Variants in SBF2 observed in about 807,000 individuals in gnomAD.
The protein encoded by SBF2 is myotubularin-related protein 13.
SBF2 carries 112 observed loss-of-function variants against 225.2 expected under a neutral mutation model. The ratio of observed to expected loss-of-function variants is 0.50; its 90% confidence interval spans 0.43 to 0.58. SBF2 has a LOEUF of 0.58. Ranked by LOEUF, SBF2 falls within the 20% of genes least tolerant of loss-of-function variation. The probability of loss-of-function intolerance (pLI) is 0.00; values close to 1 mark genes in which losing one functional copy is unlikely to be tolerated. For synonymous variants in SBF2, 763 were observed against 773.3 expected (o/e 0.99, Z 0.22); for missense variants, 1,996 against 2,206.2 (o/e 0.90, Z 1.91).
At chr11:10,019,809 C>T (rs1948781371) in intron 6 of SBF2, among the ~76,000 whole-genome samples, 1 of 152,094 alleles carries the variant, frequency 6.6e-6, no homozygotes, top group African/African-American at 2.4e-5. Flanking sequence ...GGATAAAAAT[C>T]ATCCTACAAT....
At chr11:10,155,357 G>T (rs1172189727) in intron 2 of SBF2, among the ~76,000 whole-genome samples, 1 of 151,944 alleles carries the variant, frequency 6.6e-6, no homozygotes, top group African/African-American at 2.4e-5. Context: ...TAACACTGTT[G>T]CCATGCTCTG....
chr11:10,162,537 G>T (rs934087872), intron 2 of SBF2, among the ~76,000 whole-genome samples: 4 of 152,144 alleles, frequency 2.6e-5, no homozygotes, highest in Non-Finnish European at 4.4e-5. Context: ...ATATCAGAAT[G>T]CAGATAAGTG....
chr11:10,025,062 C>T lies in SBF2; in HGVS notation c.619+3390G>A, dbSNP rs977161339. Among the ~76,000 whole-genome samples, 11 of 152,166 alleles carry T rather than the reference C, an allele frequency of 7.2e-5. No individual in the cohort carries two copies. In the Middle Eastern group the frequency reaches 0.014, roughly 188 times the overall value. On this transcript the variant is annotated intron_variant, in intron 6 of 39. Coordinates refer to ENST00000256190, the MANE Select transcript of SBF2 (RefSeq NM_030962.4). ...AGCCCCTGTGGTTCTTTCATATTGT[C>T]TATGGTTTCTTTTGCATTTCTTTCA...
Position 9,787,734 on chromosome 11 carries a change from A to G in SBF2, c.4937T>C (p.Ile1646Thr), listed in dbSNP as rs775945548. ...GTTCAATTTGTGCTCCAATTTTTCA[A>G]TTTCCTGCAAAGAAATTAAAAGTTT... ...PDALTSLFSE[I>T]EKLEHKLNQA... The change falls in exon 36 of 40, where the codon ATT (isoleucine) becomes ACT (threonine). Residue 1646 changes from isoleucine to threonine, a missense_variant. By Grantham distance (89) the Ile-to-Thr change is moderately conservative. Coordinates refer to ENST00000256190, the MANE Select transcript of SBF2 (RefSeq NM_030962.4). 6.8e-6 allele frequency: 11 copies of G among 1,613,760 alleles called. No individual in the cohort carries two copies. The highest frequency in any genetic ancestry group is 4.5e-5 in the East Asian group (2 of 44,900).
chr11:9,789,390 C>G, intron 34 of SBF2, 48 bp from the exon 35 acceptor site: 2 of 1,434,252 alleles, frequency 1.4e-6, no homozygotes, highest in Non-Finnish European at 2.0e-6. Context: ...CCAAAGTACC[C>G]CAAGCTCACT....
intron 16 of SBF2, among the ~76,000 whole-genome samples, chr11:9,913,556 A>G (rs1862821696): frequency 6.6e-6 from 1 of 152,144 alleles, no homozygotes. Context: ...ATTCCTAGGT[A>G]TATATTCTAA....
At chr11:9,919,618 T>A (rs534065809) in intron 16 of SBF2, among the ~76,000 whole-genome samples, 5 of 152,314 alleles carry the variant, frequency 3.3e-5, no homozygotes, top group Middle Eastern at 6.8e-3. Flanking sequence ...TTCTATACAA[T>A]GTCTGGAATC....
intron 13 of SBF2, among the ~76,000 whole-genome samples, chr11:9,984,445 A>G (rs1007047315): frequency 6.6e-6 from 1 of 152,134 alleles, no homozygotes; most frequent in Non-Finnish European, 1.5e-5. Context: ...TAAATGACCA[A>G]ACCTAAGAAT....
chr11:9,871,406 GATC>G (rs1858722794), intron 17 of SBF2, among the ~76,000 whole-genome samples: 3 of 151,100 alleles, frequency 2.0e-5, no homozygotes, highest in Admixed American at 2.0e-4. Flanking sequence ...CACCATCACT[GATC>G]ATTAGAGAAA....
chr11:9,819,669 T>C (rs1854644405), intron 28 of SBF2, among the ~76,000 whole-genome samples: 1 of 152,168 alleles, frequency 6.6e-6, no homozygotes, highest in Non-Finnish European at 1.5e-5. Context: ...TTGGGGTGTG[T>C]ATGGGTGAAT....
chr11:10,003,602 G>A (rs766737076), intron 6 of SBF2, among the ~76,000 whole-genome samples: 55 of 151,886 alleles, frequency 3.6e-4, no homozygotes, highest in Non-Finnish European at 5.9e-4. Flanking sequence ...CTCCTGACTT[G>A]GTGATACACC....
intron 16 of SBF2, among the ~76,000 whole-genome samples, chr11:9,914,231 T>C (rs1002921572): frequency 6.6e-6 from 1 of 152,034 alleles, no homozygotes; most frequent in African/African-American, 2.4e-5. Flanking sequence ...AGACGGACAA[T>C]ATAAGTAGAA....
At chr11:10,114,441 C>A (rs1337437504) in intron 2 of SBF2, among the ~76,000 whole-genome samples, 1 of 152,190 alleles carries the variant, frequency 6.6e-6, no homozygotes, top group Non-Finnish European at 1.5e-5. Context: ...ATTCTGTCTT[C>A]CATGTTCTTA....
At chr11:10,266,679 AT>A (rs376890567) in intron 1 of SBF2, among the ~76,000 whole-genome samples, 69 of 152,376 alleles carry the variant, frequency 4.5e-4, no homozygotes, top group African/African-American at 1.6e-3. Flanking sequence ...AGCTATGATG[AT>A]GATGACAGTG....
intron 2 of SBF2, among the ~76,000 whole-genome samples, chr11:10,180,427 TA>T (rs1476613864): frequency 5.3e-5 from 8 of 152,144 alleles, no homozygotes; most frequent in Admixed American, 6.5e-5. Context: ...TTCCATGAAA[TA>T]ATCTGCTGTC....
At chr11:9,882,794 TCA>T (rs1564952648) in intron 17 of SBF2, among the ~76,000 whole-genome samples, 1 of 31,492 alleles carries the variant, frequency 3.2e-5, no homozygotes, top group Non-Finnish European at 9.7e-5. Context: ...GGTGACAGAG[TCA>T]AAAAAAAAAA....
chr11:10,063,830 AAC>A (rs140036479), intron 2 of SBF2, among the ~76,000 whole-genome samples: 30,279 of 139,406 alleles, frequency 0.22, 3,810 homozygotes, highest in Non-Finnish European at 0.3. Context: ...TCTAAAATAA[AAC>A]ACACACACAC....
At chr11:9,856,380 A>G in intron 19 of SBF2, 78 bp downstream of exon 19, 1 of 1,575,382 alleles carries the variant, frequency 6.3e-7, no homozygotes, top group Non-Finnish European at 8.7e-7. Context: ...TTTGCTCAAA[A>G]TGTTTAATAT....
intron 1 of SBF2, among the ~76,000 whole-genome samples, chr11:10,239,196 C>G (rs1252016857): frequency 6.6e-6 from 1 of 150,514 alleles, no homozygotes; most frequent in Non-Finnish European, 1.5e-5. Flanking sequence ...TTTTCAAGCT[C>G]ATACAAAATT....
Sources: allele counts gnomAD v4.1 joint callset (sites outside exome capture counted in the v4.1 genomes callset), GRCh38; gene constraint gnomAD v4.1.1; transcripts MANE v1.5; gene names NCBI Gene and HGNC (gene_info 2026-07-23, HGNC 2026-07-21).